TMEM182: variants seen among roughly 807,000 people sequenced by gnomAD.
TMEM182 encodes the protein transmembrane protein 182.
In TMEM182, 20 loss-of-function variants were observed where a neutral mutation model predicts 26.8. The ratio of observed to expected loss-of-function variants is 0.75; its 90% CI spans 0.53 to 1.09. The LOEUF (loss-of-function observed/expected upper bound fraction) is 1.09, where lower values mean the gene tolerates loss of function less well. Ranked by LOEUF, TMEM182 falls within the 50% of genes least tolerant of loss-of-function variation. The pLI is 0.00. For missense variants in TMEM182, 277 were observed against 275.5 expected, an observed-to-expected ratio of 1.01 and a Z score of -0.04; for synonymous variants, 109 against 102.2, an observed-to-expected ratio of 1.07 and a Z score of -0.40.
intron 3 of TMEM182, among the ~76,000 whole-genome samples, chr2:102,795,575 A>G (rs533710688): frequency 6.6e-5 from 10 of 152,292 alleles, no homozygotes; most frequent in African/African-American, 9.6e-5. Flanking sequence ...GGCGCACACC[A>G]CTCAGGGCTT....
At chr2:102,776,487 G>T (rs1680921963) in intron 3 of TMEM182, among the ~76,000 whole-genome samples, 1 of 152,070 alleles carries the variant, frequency 6.6e-6, no homozygotes, top group Non-Finnish European at 1.5e-5. Context: ...TCTTTCCATG[G>T]CATGATAGTT....
intron 3 of TMEM182, among the ~76,000 whole-genome samples, chr2:102,826,301 C>CTT (rs375776814): frequency 0.14 from 17,232 of 119,854 alleles, 1,374 homozygotes; most frequent in Non-Finnish European, 0.19. Flanking sequence ...CTGCAGCTGG[C>CTT]TTTTTTTTTT....
chr2:102,802,691 T>C (rs1407956899), intron 4 of TMEM182, among the ~76,000 whole-genome samples: 2 of 152,236 alleles, frequency 1.3e-5, no homozygotes, highest in Non-Finnish European at 2.9e-5. Context: ...AGAAAATTAC[T>C]GTAGAGCTGA....
chr2:102,814,098 A>G (rs1478803340), intron 4 of TMEM182, among the ~76,000 whole-genome samples: 1 of 151,798 alleles, frequency 6.6e-6, no homozygotes, highest in Non-Finnish European at 1.5e-5. Context: ...ATATATATAT[A>G]TATATATTTA....
At chr2:102,763,685 A>G (rs1221839284) in intron 2 of TMEM182, among the ~76,000 whole-genome samples, 2 of 152,212 alleles carry the variant, frequency 1.3e-5, no homozygotes, top group Non-Finnish European at 2.9e-5. Flanking sequence ...AGACTTTAGT[A>G]AAGGGAAGTA....
In TMEM182 at chr2:102,837,369, C is replaced by A. The variant is rs551898620; in HGVS notation, c.326-6043C>A. 3.3e-5 allele frequency among the ~76,000 whole-genome samples: 5 copies of A among 152,188 alleles called. No homozygotes were observed. The East Asian group carries it at 9.6e-4, about 29-fold the overall frequency. ...CTAGAGAGAAGAAAAGCATGAACAG[C>A]AAAGCATTGACTAGATTCTACCGAT... On this transcript the variant is annotated intron_variant, in intron 3 of 3. Transcript: ENST00000486293.
chr2:102,794,036 CT>C (rs1681762604), intron 3 of TMEM182, among the ~76,000 whole-genome samples: 2 of 152,094 alleles, frequency 1.3e-5, no homozygotes, highest in African/African-American at 4.8e-5. Context: ...CATGACTGCA[CT>C]CCAGCCTGTA....
At chr2:102,791,615 C>T (rs1024981016) in intron 3 of TMEM182, among the ~76,000 whole-genome samples, 1 of 152,216 alleles carries the variant, frequency 6.6e-6, no homozygotes, top group African/African-American at 2.4e-5. Flanking sequence ...TCTTTAAAAC[C>T]ATTCTTTAAT....
At chr2:102,811,729 A>T (rs138713863) in intron 4 of TMEM182, among the ~76,000 whole-genome samples, 1 of 152,236 alleles carries the variant, frequency 6.6e-6, no homozygotes, top group African/African-American at 2.4e-5. Flanking sequence ...TTGTGATCAG[A>T]TTGTCTTAGT....
rs202082656 is a variant in TMEM182, at chr2:102,774,422, A to AT, written c.331+10009dup. Among the ~76,000 whole-genome samples, 375 of 140,826 alleles carry AT rather than the reference A, an allele frequency of 2.7e-3. 2 individuals are homozygous for AT. The highest frequency in any genetic ancestry group is 7.2e-3 in the Middle Eastern group (2 of 278). The allele number at this position is 140,826 out of a possible 152,430, so 92.4% of individuals were successfully genotyped here. A position where few individuals can be genotyped will look rare whatever the true frequency, so the allele number is the denominator to read the frequency against. ...AGGTGCATGCCACCATGCCTGGCTA[A>AT]TTTTTTTTTTTTTTGTATTTTCAGT... On this transcript the variant is annotated intron_variant, in intron 3 of 4. Coordinates refer to ENST00000412401, the MANE Select transcript of TMEM182 (RefSeq NM_144632.5).
rs369237390 is a variant in TMEM182, at chr2:102,764,342, G to T, written c.246G>T (p.Pro82=). The part of the protein sequence containing the change: ...IWKFWYTNQP[P]SKNCTHAYLS... The stretch of plus-strand genomic sequence containing the variant: ...TGTTCTTCCTAGCCAATCAGCCACC[G>T]TCCAAGAACTGCACACATGCTTACC... The change falls in exon 3 of 5, where the codon CCG becomes CCT. Residue 82 remains proline, a synonymous_variant. Coordinates refer to ENST00000412401, the MANE Select transcript of TMEM182 (RefSeq NM_144632.5). The T allele has an allele frequency of 3.3e-5, 54 of 1,613,518 alleles. No homozygotes were observed. The highest frequency in any genetic ancestry group is 4.4e-5 in the Non-Finnish European group (52 of 1,179,774).
chr2:102,767,116 TA>T (rs1680484647), intron 3 of TMEM182, among the ~76,000 whole-genome samples: 1 of 152,176 alleles, frequency 6.6e-6, no homozygotes, highest in South Asian at 2.1e-4. Flanking sequence ...TGCATACTAT[TA>T]AAAATATGTC....
Position 102,816,368 on chromosome 2 carries a change from C to T in TMEM182, c.*1400C>T, listed in dbSNP as rs1682747872. ...TAGAGGAACTGCTCCTTTTCATCAG[C>T]TCTTCCAATGCCGTGGGAGAGGTGA... On this transcript the variant is annotated 3_prime_UTR_variant, in exon 5 of 5. Transcript: ENST00000412401. 1 of 985,190 alleles carries T rather than the reference C, an allele frequency of 1.0e-6. No homozygotes were observed. Among genetic ancestry groups the T allele is most frequent in the Non-Finnish European group, 1.2e-6 (1 of 829,936 alleles). The allele number at this position is 985,190 out of a possible 1,614,324, so 61.0% of individuals were successfully genotyped here.
chr2:102,835,167 C>T (rs113568392), intron 3 of TMEM182, among the ~76,000 whole-genome samples: 28 of 152,216 alleles, frequency 1.8e-4, no homozygotes, highest in Admixed American at 8.5e-4. Context: ...AATTCACCAC[C>T]GGAGGCCAGG....
chr2:102,762,107 C>T lies in TMEM182; in HGVS notation c.-111C>T. On this transcript the variant is annotated 5_prime_UTR_variant, in exon 1 of 5. Coordinates refer to ENST00000412401, the MANE Select transcript of TMEM182 (RefSeq NM_144632.5). ...AGCCTTCTCAAGAAGATTCTGCCAA[C>T]TCAAAAATATTATTCTTTTTTTTTT... 1.0e-6 allele frequency: 1 copy of T among 995,436 alleles called. No homozygotes were observed. The highest frequency in any genetic ancestry group is 2.9e-5 in the Admixed American group (1 of 34,852). The allele number at this position is 995,436 out of a possible 1,614,324, so 61.7% of individuals were successfully genotyped here. A position where few individuals can be genotyped will look rare whatever the true frequency, so the allele number is the denominator to read the frequency against.
intron 3 of TMEM182, among the ~76,000 whole-genome samples, chr2:102,837,969 C>T (rs1683277062): frequency 6.6e-6 from 1 of 152,166 alleles, no homozygotes; most frequent in African/African-American, 2.4e-5. Context: ...AATTTCAAGA[C>T]GGCGGCAGCA....
rs916287996 is a variant in TMEM182 at position 102,786,170 on chromosome 2, C to T, written c.332-11693C>T. ...TGATTCATTTGAAGCACTGGAATTC[C>T]GGCACATGGAGAGGAAGATTACATA... is the stretch of plus-strand genomic sequence containing the variant. On this transcript the variant is annotated intron_variant, in intron 3 of 4. Coordinates refer to ENST00000412401, the MANE Select transcript of TMEM182 (RefSeq NM_144632.5). 2.7e-5 allele frequency among the ~76,000 whole-genome samples: 4 copies of T among 148,824 alleles called. No homozygotes were observed. The South Asian group carries it at 6.3e-4, about 24-fold the overall frequency.
intron 4 of TMEM182, among the ~76,000 whole-genome samples, chr2:102,814,162 G>A (rs189057660): frequency 6.3e-4 from 96 of 151,468 alleles, no homozygotes; most frequent in African/African-American, 1.9e-3. Context: ...TTTCATCTCC[G>A]TTCTTGTCTA....
intron 3 of TMEM182, among the ~76,000 whole-genome samples, chr2:102,784,560 C>T (rs146275655): frequency 7.9e-5 from 12 of 152,042 alleles, no homozygotes; most frequent in South Asian, 4.2e-4. Context: ...TTGGGTCTCG[C>T]GAAGAAAGAC....
Sources: gnomAD v4.1 joint callset for allele counts (sites outside exome capture counted in the v4.1 genomes callset) on GRCh38, gnomAD v4.1.1 for gene constraint, MANE v1.5 for transcripts, NCBI Gene and HGNC (gene_info 2026-07-23, HGNC 2026-07-21) for gene names.